DUSP11: variants seen among roughly 807,000 people sequenced by gnomAD.
The protein encoded by DUSP11 is RNA/RNP complex-1-interacting phosphatase.
Under a neutral mutation model 41.4 loss-of-function variants are expected in DUSP11, and 27 were observed. That is an observed-to-expected ratio of 0.65 (90% CI 0.48 to 0.90). The LOEUF (loss-of-function observed/expected upper bound fraction) is 0.90. Among genes scored for constraint, DUSP11 ranks in the 40% least tolerant of loss-of-function variants. DUSP11 has a pLI of 0.00. For missense variants in DUSP11, 465 were observed against 461.1 expected (o/e 1.01, Z -0.08); for synonymous variants, 188 against 159.3 (o/e 1.18, Z -1.35).
intron 2 of DUSP11, among the ~76,000 whole-genome samples, 189 bp from the exon 3 acceptor site, chr2:73,775,233 C>T (rs1450706157): frequency 6.6e-6 from 1 of 152,092 alleles, no homozygotes; most frequent in African/African-American, 2.4e-5. Flanking sequence ...AATAAGCCCA[C>T]TTCTATATAT....
At chr2:73,779,650 G>T in intron 1 of DUSP11, 1 of 682,140 alleles carries the variant, frequency 1.5e-6, no homozygotes. Flanking sequence ...TAAGAGCAAT[G>T]GCCAGAACCT....
exon 1 of DUSP11, chr2:73,780,032 G>C (rs751778002): frequency 2.5e-5 from 41 of 1,613,712 alleles, no homozygotes; most frequent in Non-Finnish European, 3.5e-5. Flanking sequence ...CCAGTCCGGC[G>C]CCCTCAATGC....
chr2:73,773,862 T>A, exon 4 of DUSP11: 1 of 1,605,844 alleles, frequency 6.2e-7, no homozygotes, highest in South Asian at 1.1e-5. Context: ...AATAGTCTCA[T>A]CATCAGGCAC....
chr2:73,776,915 A>G (rs1672700334), intron 2 of DUSP11, among the ~76,000 whole-genome samples: 1 of 152,216 alleles, frequency 6.6e-6, no homozygotes, highest in Admixed American at 6.5e-5. Context: ...TGATCAATAT[A>G]TAACATGTAT....
At chr2:73,775,863 TTAAAAAAA>T (rs1672673595) in intron 2 of DUSP11, among the ~76,000 whole-genome samples, 3 of 101,502 alleles carry the variant, frequency 3.0e-5, no homozygotes, top group Non-Finnish European at 5.3e-5. Flanking sequence ...AAAAAAAAAT[TTAAAAAAA>T]AAAAAAAAAA....
intron 8 of DUSP11, 94 bp downstream of exon 8, chr2:73,766,324 C>T (rs1191612881): frequency 7.3e-5 from 71 of 977,274 alleles, no homozygotes; most frequent in Middle Eastern, 3.5e-4. Flanking sequence ...AAAAAAAAAA[C>T]GAAGAATTCC....
chr2:73,769,981 T>TA (rs1219444313), intron 4 of DUSP11, among the ~76,000 whole-genome samples: 3 of 151,830 alleles, frequency 2.0e-5, no homozygotes, highest in Non-Finnish European at 4.4e-5. Flanking sequence ...AGGAATTAAA[T>TA]AAAAAAAAGT....
chr2:73,766,694 C>T (rs1672472999), intron 7 of DUSP11, 100 bp from the exon 8 acceptor site: 2 of 1,394,186 alleles, frequency 1.4e-6, no homozygotes, highest in African/African-American at 1.4e-5. Flanking sequence ...TTTCTTCCTT[C>T]TCCCATTCCT....
intron 4 of DUSP11, among the ~76,000 whole-genome samples, chr2:73,770,187 CAA>C (rs70965756): frequency 1.2e-4 from 11 of 90,534 alleles, no homozygotes; most frequent in Non-Finnish European, 1.1e-4. Flanking sequence ...CCCAGCTACT[CAA>C]AAAAAAAAAA....
chr2:73,769,412 A>C, intron 4 of DUSP11, 87 bp from the exon 5 acceptor site: 1 of 1,003,622 alleles, frequency 1.0e-6, no homozygotes, highest in Non-Finnish European at 1.5e-6. Context: ...AATAACTCTT[A>C]AGAGGAATTG....
chr2:73,770,772 T>C (rs1044472440), intron 4 of DUSP11, among the ~76,000 whole-genome samples: 1 of 152,192 alleles, frequency 6.6e-6, no homozygotes, highest in Admixed American at 6.5e-5. Context: ...AAGTCCACAA[T>C]GATCCTAACT....
At chr2:73,780,056 TAAACAGGAAAAG>T (rs773456416) in exon 1 of DUSP11, 34 of 1,610,574 alleles carry the variant, frequency 2.1e-5, no homozygotes, top group Non-Finnish European at 2.7e-5. Flanking sequence ...GATAAGACCC[TAAACAGGAAAAG>T]ACTCGGCAGC....
chr2:73,766,139 C>T (rs1472448220), intron 8 of DUSP11, among the ~76,000 whole-genome samples: 2 of 152,100 alleles, frequency 1.3e-5, no homozygotes, highest in Non-Finnish European at 2.9e-5. Context: ...GAAACCCCAT[C>T]TCTACTAAAA....
At chr2:73,771,563 G>A (rs1376902667) in intron 4 of DUSP11, among the ~76,000 whole-genome samples, 3 of 142,340 alleles carry the variant, frequency 2.1e-5, no homozygotes, top group East Asian at 2.1e-4. Flanking sequence ...GCGCAATCTC[G>A]GCTCACTGCA....
Position 73,762,458 on chromosome 2 carries a change from G to A in DUSP11, c.*203C>T, listed in dbSNP as rs1672383463. The A allele has an allele frequency of 1.6e-5, 6 of 378,060 alleles. No individual in the cohort carries two copies. The Middle Eastern group carries it at 2.1e-3, about 129-fold the overall frequency. 23.4% of individuals were successfully genotyped at this position (378,060 alleles called of 1,614,324 possible). A position where few individuals can be genotyped will look rare whatever the true frequency, so the allele number is the denominator to read the frequency against. On this transcript the variant is annotated 3_prime_UTR_variant, in exon 9 of 9. Transcript: ENST00000272444. Reference sequence around the variant, plus strand: ...CTTCTTTTAGAAAAATTTAAGACTGGAATAACAGATTGTTTTTCCTGCAAT... The same window carrying A: ...CTTCTTTTAGAAAAATTTAAGACTGAAATAACAGATTGTTTTTCCTGCAAT...
At chr2:73,779,946 C>T in exon 1 of DUSP11, 1 of 1,614,262 alleles carries the variant, frequency 6.2e-7, no homozygotes, top group Non-Finnish European at 8.5e-7. Flanking sequence ...CCGGCCCCAG[C>T]CACTGCGGGG....
intron 2 of DUSP11, among the ~76,000 whole-genome samples, chr2:73,775,275 T>C (rs894371396): frequency 6.6e-6 from 1 of 152,140 alleles, no homozygotes; most frequent in Non-Finnish European, 1.5e-5. Context: ...GTTGGTCTCC[T>C]AATCAGACTG....
chr2:73,762,814 A>G, exon 9 of DUSP11: 1 of 1,610,274 alleles, frequency 6.2e-7, no homozygotes, highest in Non-Finnish European at 8.5e-7. Context: ...GACCAGGAGG[A>G]GGGAGATGGT....
chr2:73,774,610 A>T (rs533044522), intron 3 of DUSP11, among the ~76,000 whole-genome samples: 27 of 152,310 alleles, frequency 1.8e-4, no homozygotes, highest in African/African-American at 6.0e-4. Context: ...TATTCTAGGT[A>T]CTTCATACAA....
Sources: gnomAD v4.1 joint callset for allele counts (sites outside exome capture counted in the v4.1 genomes callset) on GRCh38, gnomAD v4.1.1 for gene constraint, MANE v1.5 for transcripts, NCBI Gene and HGNC (gene_info 2026-07-23, HGNC 2026-07-21) for gene names.